NLGN1: variants seen among roughly 807,000 people sequenced by gnomAD.
The protein encoded by NLGN1 is neuroligin-1.
Under a neutral mutation model 65.5 loss-of-function variants are expected in NLGN1, and 12 were observed. The observed-to-expected ratio is 0.18, with a 90% CI of 0.12 to 0.30. The LOEUF is 0.30. Among genes scored for constraint, NLGN1 ranks in the 10% least tolerant of loss-of-function variants. The pLI is 1.00. For missense variants in NLGN1, 750 were observed against 1,007.1 expected (o/e 0.74, Z 3.46); for synonymous variants, 350 against 359.5 (o/e 0.97, Z 0.30).
intron 4 of NLGN1, among the ~76,000 whole-genome samples, chr3:173,987,876 G>A (rs953730666): frequency 3.9e-5 from 6 of 152,176 alleles, no homozygotes; most frequent in Admixed American, 3.3e-4. Flanking sequence ...GAAATGGTCA[G>A]TTGTAGTCAT....
intron 2 of NLGN1, among the ~76,000 whole-genome samples, chr3:173,528,707 G>A (rs1274475230): frequency 1.3e-5 from 2 of 152,078 alleles, no homozygotes; most frequent in African/African-American, 4.8e-5. Context: ...GCTCTGAAAT[G>A]ATTTCTTCTG....
chr3:173,732,121 AC>A (rs1772953474), intron 3 of NLGN1, among the ~76,000 whole-genome samples: 1 of 152,122 alleles, frequency 6.6e-6, no homozygotes, highest in Non-Finnish European at 1.5e-5. Flanking sequence ...CTTCACTAGG[AC>A]CTTAAATGCC....
At chr3:173,942,138 GTGTATGTGTGTGTGTGTGTA>G (rs1453021822) in intron 4 of NLGN1, among the ~76,000 whole-genome samples, 2 of 147,872 alleles carry the variant, frequency 1.4e-5, no homozygotes, top group Non-Finnish European at 3.0e-5. Flanking sequence ...GTGTGTGTGT[GTGTATGTGTGTGTGTGTGTA>G]TGTGTATATA....
chr3:173,844,061 C>G (rs537766716), intron 4 of NLGN1, among the ~76,000 whole-genome samples: 63 of 152,254 alleles, frequency 4.1e-4, no homozygotes, highest in African/African-American at 1.4e-3. Context: ...TGACAGCAGG[C>G]AAGGAAGATA....
intron 2 of NLGN1, among the ~76,000 whole-genome samples, chr3:173,598,041 A>C (rs374083964): frequency 1.3e-5 from 2 of 152,280 alleles, no homozygotes; most frequent in South Asian, 2.1e-4. Flanking sequence ...TTGCCTTTTT[A>C]CAGTTCTTTA....
intron 2 of NLGN1, among the ~76,000 whole-genome samples, chr3:173,439,619 A>G (rs555614131): frequency 7.6e-4 from 116 of 152,168 alleles, no homozygotes; most frequent in African/African-American, 2.7e-3. Flanking sequence ...TTGCAGTAAA[A>G]TGAATCACAC....
chr3:173,567,394 G>A (rs1743860352), intron 2 of NLGN1, among the ~76,000 whole-genome samples: 1 of 151,758 alleles, frequency 6.6e-6, no homozygotes, highest in South Asian at 2.1e-4. Context: ...ATATTTTGTA[G>A]TTTTTTAGTT....
chr3:173,697,722 G>T (rs902424982), intron 3 of NLGN1, among the ~76,000 whole-genome samples: 4 of 152,030 alleles, frequency 2.6e-5, no homozygotes, highest in Non-Finnish European at 5.9e-5. Context: ...TAGAGATGGG[G>T]TGTCTCTGTG....
intron 4 of NLGN1, among the ~76,000 whole-genome samples, chr3:174,136,780 G>A (rs183930666): frequency 2.0e-5 from 3 of 152,174 alleles, no homozygotes; most frequent in African/African-American, 7.2e-5. Context: ...TAATATGCCA[G>A]GTTTCCCAAA....
At chr3:173,547,019 T>G (rs1739973555) in intron 2 of NLGN1, among the ~76,000 whole-genome samples, 5 of 152,166 alleles carry the variant, frequency 3.3e-5, no homozygotes, top group Admixed American at 3.3e-4. Flanking sequence ...AGGAACCCAT[T>G]TTTTCAGAAC....
chr3:173,402,855 T>C (rs1249792321), intron 1 of NLGN1, among the ~76,000 whole-genome samples: 6 of 152,180 alleles, frequency 3.9e-5, no homozygotes, highest in Non-Finnish European at 1.5e-5. Flanking sequence ...CGTTGTATGA[T>C]TGTTTTTGAT....
intron 2 of NLGN1, among the ~76,000 whole-genome samples, chr3:173,563,288 A>G (rs1462055598): frequency 6.6e-6 from 1 of 152,242 alleles, no homozygotes; most frequent in Non-Finnish European, 1.5e-5. Flanking sequence ...ACATAAGAAC[A>G]TTGATAATGT....
At chr3:173,739,655 G>A (rs1774328136) in intron 3 of NLGN1, among the ~76,000 whole-genome samples, 1 of 151,834 alleles carries the variant, frequency 6.6e-6, no homozygotes, top group Non-Finnish European at 1.5e-5. Context: ...TCATGGCAAG[G>A]GCAGAGGAAA....
chr3:173,642,615 G>A (rs1757590707), intron 3 of NLGN1, among the ~76,000 whole-genome samples: 4 of 152,084 alleles, frequency 2.6e-5, no homozygotes, highest in Admixed American at 2.6e-4. Context: ...TTCTTGCCTT[G>A]GTGGAAAGTA....
intron 4 of NLGN1, among the ~76,000 whole-genome samples, chr3:174,002,766 A>G (rs1723562366): frequency 6.6e-6 from 1 of 152,164 alleles, no homozygotes; most frequent in Admixed American, 6.5e-5. Flanking sequence ...AAATGGAGGG[A>G]AAAGTGGAGG....
At chr3:173,835,868 T>C (rs77743257) in intron 4 of NLGN1, among the ~76,000 whole-genome samples, 1,742 of 152,268 alleles carry the variant, frequency 0.011, 25 homozygotes, top group African/African-American at 0.039. Flanking sequence ...ATAAGGGAAT[T>C]TGAAAAATAA....
At chr3:173,731,868 T>C (rs532577931) in intron 3 of NLGN1, among the ~76,000 whole-genome samples, 1 of 152,094 alleles carries the variant, frequency 6.6e-6, no homozygotes, top group South Asian at 2.1e-4. Flanking sequence ...TAAAAAGACA[T>C]TTTTTGTAAA....
At chr3:173,601,596 A>G (rs778654196) in intron 2 of NLGN1, among the ~76,000 whole-genome samples, 2 of 152,124 alleles carry the variant, frequency 1.3e-5, no homozygotes, top group Non-Finnish European at 2.9e-5. Flanking sequence ...TATTTTCACT[A>G]ATGTATACAA....
intron 2 of NLGN1, among the ~76,000 whole-genome samples, chr3:173,475,592 C>G (rs1436672416): frequency 6.6e-6 from 1 of 152,110 alleles, no homozygotes; most frequent in Non-Finnish European, 1.5e-5. Flanking sequence ...GGAGCAAATA[C>G]TTCATCTTGT....
Sources: gnomAD v4.1 joint callset for allele counts (sites outside exome capture counted in the v4.1 genomes callset) on GRCh38, gnomAD v4.1.1 for gene constraint, MANE v1.5 for transcripts, NCBI Gene and HGNC (gene_info 2026-07-23, HGNC 2026-07-21) for gene names.